The following NLGN1 variants were observed in gnomAD, a reference collection of about 807,000 sequenced individuals.
NLGN1 encodes neuroligin-1.
A neutral mutation model predicts 65.5 loss-of-function variants in NLGN1; 12 were observed. That is an observed-to-expected ratio of 0.18 (90% CI 0.12 to 0.30). The LOEUF (loss-of-function observed/expected upper bound fraction) is 0.30. NLGN1 is among the 10% of genes least tolerant of loss of function. The probability of loss-of-function intolerance (pLI) is 1.00; values close to 1 mark genes in which losing one functional copy is unlikely to be tolerated. For missense variants in NLGN1, 750 were observed against 1,007.1 expected (o/e 0.74, Z 3.46); for synonymous variants, 350 against 359.5 (o/e 0.97, Z 0.30).
chr3:174,110,091 A>G (rs1714856898), intron 4 of NLGN1, among the ~76,000 whole-genome samples: 2 of 151,718 alleles, frequency 1.3e-5, no homozygotes, highest in African/African-American at 4.8e-5. Flanking sequence ...TTGATTTGTC[A>G]TTTTTAGAAG....
intron 1 of NLGN1, among the ~76,000 whole-genome samples, chr3:173,423,380 G>A (rs1247672842): frequency 6.6e-6 from 1 of 151,982 alleles, no homozygotes; most frequent in Non-Finnish European, 1.5e-5. Context: ...ACTCATTCCG[G>A]CATTAACTCA....
intron 2 of NLGN1, among the ~76,000 whole-genome samples, chr3:173,584,193 G>T (rs904381298): frequency 6.7e-6 from 1 of 149,132 alleles, no homozygotes; most frequent in African/African-American, 2.5e-5. Context: ...GTTAATTGCA[G>T]TTCAGCCTTC....
chr3:173,672,366 C>T (rs1388950443), intron 3 of NLGN1, among the ~76,000 whole-genome samples: 1 of 152,090 alleles, frequency 6.6e-6, no homozygotes, highest in Non-Finnish European at 1.5e-5. Context: ...TGGTTGCTAT[C>T]AGGGTGAATA....
intron 2 of NLGN1, among the ~76,000 whole-genome samples, chr3:173,448,867 T>G (rs142010732): frequency 0.48 from 73,058 of 152,000 alleles, 20,082 homozygotes; most frequent in East Asian, 0.85. Flanking sequence ...TTTATAGTAT[T>G]CTCTGATGGT....
At chr3:174,047,677 A>G (rs1733923035) in intron 4 of NLGN1, among the ~76,000 whole-genome samples, 1 of 152,008 alleles carries the variant, frequency 6.6e-6, no homozygotes, top group African/African-American at 2.4e-5. Flanking sequence ...AAGTAAATAT[A>G]AAAAACAGCC....
intron 4 of NLGN1, among the ~76,000 whole-genome samples, chr3:174,103,439 C>A (rs1713003922): frequency 6.6e-6 from 1 of 152,032 alleles, no homozygotes; most frequent in Non-Finnish European, 1.5e-5. Flanking sequence ...ATAGGAAAGA[C>A]CATCATACAT....
intron 4 of NLGN1, among the ~76,000 whole-genome samples, chr3:173,988,523 C>T (rs1720423013): frequency 6.6e-6 from 1 of 152,130 alleles, no homozygotes; most frequent in African/African-American, 2.4e-5. Context: ...GCAGGTTGCT[C>T]AGACCTTAAC....
chr3:173,468,481 A>G (rs1198324120), intron 2 of NLGN1, among the ~76,000 whole-genome samples: 1 of 152,098 alleles, frequency 6.6e-6, no homozygotes, highest in Non-Finnish European at 1.5e-5. Context: ...GCCCATTACT[A>G]TGTTCTGGGG....
At chr3:174,255,435 C>CGAAA (rs1745518342) in intron 4 of NLGN1, among the ~76,000 whole-genome samples, 1 of 70,220 alleles carries the variant, frequency 1.4e-5, no homozygotes. Context: ...GACTCTGTCT[C>CGAAA]AAAAAAAAAA....
chr3:174,015,530 GC>G (rs1206527472), intron 4 of NLGN1, among the ~76,000 whole-genome samples: 1 of 152,090 alleles, frequency 6.6e-6, no homozygotes, highest in Non-Finnish European at 1.5e-5. Flanking sequence ...ACTCCCAAAG[GC>G]CCCATCTCCA....
chr3:173,818,645 G>GTCACTTA (rs1423386056), intron 4 of NLGN1, among the ~76,000 whole-genome samples: 4 of 152,078 alleles, frequency 2.6e-5, no homozygotes, highest in African/African-American at 7.2e-5. Context: ...CTAGCCCTTA[G>GTCACTTA]GTAGATATTT....
chr3:173,617,449 C>A (rs1223955417), intron 3 of NLGN1, among the ~76,000 whole-genome samples: 2 of 152,200 alleles, frequency 1.3e-5, no homozygotes, highest in African/African-American at 4.8e-5. Context: ...TCATCTCCCA[C>A]CATCTGCATT....
chr3:173,904,697 G>A (rs752587310), intron 4 of NLGN1, among the ~76,000 whole-genome samples: 4 of 151,992 alleles, frequency 2.6e-5, no homozygotes, highest in Non-Finnish European at 5.9e-5. Flanking sequence ...GGTCACTTCT[G>A]TTTCTAAGAG....
chr3:174,047,758 C>T (rs984241425), intron 4 of NLGN1, among the ~76,000 whole-genome samples: 1 of 150,954 alleles, frequency 6.6e-6, no homozygotes, highest in East Asian at 1.9e-4. Context: ...ATTTTATTTG[C>T]TTAAATATTC....
chr3:173,570,934 C>T (rs1744548015), intron 2 of NLGN1, among the ~76,000 whole-genome samples: 1 of 152,124 alleles, frequency 6.6e-6, no homozygotes, highest in Non-Finnish European at 1.5e-5. Context: ...GAACTGCTGA[C>T]CTCGTGATCC....
chr3:173,767,470 G>A (rs1039148795), intron 3 of NLGN1, among the ~76,000 whole-genome samples: 5 of 151,724 alleles, frequency 3.3e-5, no homozygotes, highest in Non-Finnish European at 5.9e-5. Context: ...AGGGGAATAG[G>A]CATTTTCACC....
chr3:174,018,687 C>T (rs931503385), intron 4 of NLGN1, among the ~76,000 whole-genome samples: 1 of 152,110 alleles, frequency 6.6e-6, no homozygotes, highest in Non-Finnish European at 1.5e-5. Context: ...CACAAGGGTG[C>T]TGCCTTCAGG....
intron 2 of NLGN1, among the ~76,000 whole-genome samples, chr3:173,522,658 C>A (rs754681534): frequency 2.0e-4 from 30 of 152,172 alleles, no homozygotes; most frequent in Non-Finnish European, 3.2e-4. Flanking sequence ...TGGTCTCGAT[C>A]TCCTGACCTA....
chr3:173,892,852 C>T (rs1456156765), intron 4 of NLGN1, among the ~76,000 whole-genome samples: 2 of 152,294 alleles, frequency 1.3e-5, no homozygotes, highest in African/African-American at 4.8e-5. Flanking sequence ...TTTAACCTGA[C>T]TTGGAAGCTA....
Sources: allele counts gnomAD v4.1 joint callset (sites outside exome capture counted in the v4.1 genomes callset), GRCh38; gene constraint gnomAD v4.1.1; transcripts MANE v1.5; gene names NCBI Gene and HGNC (gene_info 2026-07-23, HGNC 2026-07-21).